COL25A1: variants seen among roughly 807,000 people sequenced by gnomAD.
COL25A1 encodes the protein collagen type XXV alpha 1 chain.
A neutral mutation model predicts 128.4 loss-of-function variants in COL25A1; 103 were observed. The observed-to-expected ratio is 0.80, with a 90% confidence interval of 0.68 to 0.94. The LOEUF is 0.94. Among genes scored for constraint, COL25A1 ranks in the 40% least tolerant of loss-of-function variants. The pLI, the probability that COL25A1 is intolerant of heterozygous loss-of-function variation, is 0.00. For synonymous variants in COL25A1, 279 were observed against 277.2 expected (o/e 1.01, Z -0.06); for missense variants, 745 against 840.0 (o/e 0.89, Z 1.40).
intron 31 of COL25A1, among the ~76,000 whole-genome samples, chr4:108,835,319 G>C (rs1181084212): frequency 6.6e-6 from 1 of 152,080 alleles, no homozygotes; most frequent in Admixed American, 6.5e-5. Context: ...GTTAGACCAA[G>C]GAGTATTTAA....
intron 5 of COL25A1, among the ~76,000 whole-genome samples, chr4:109,022,522 T>C (rs1757872453): frequency 1.3e-5 from 2 of 152,322 alleles, no homozygotes; most frequent in Non-Finnish European, 1.5e-5. Context: ...GGGTAAGAAG[T>C]GTGTTCTATA....
At chr4:109,148,931 C>G (rs1771207180) in intron 3 of COL25A1, among the ~76,000 whole-genome samples, 1 of 152,234 alleles carries the variant, frequency 6.6e-6, no homozygotes, top group East Asian at 1.9e-4. Flanking sequence ...TCTTTCTCCT[C>G]TCTCTATCTT....
intron 3 of COL25A1, among the ~76,000 whole-genome samples, chr4:109,177,027 A>G (rs1774167146): frequency 6.6e-6 from 1 of 152,246 alleles, no homozygotes; most frequent in Non-Finnish European, 1.5e-5. Flanking sequence ...AATTTGTTAC[A>G]GAAGCCCTAG....
rs1478964154 is a variant in COL25A1 at position 109,010,407 on chromosome 4, C to T, written c.421-32G>A. The T allele has an allele frequency of 3.3e-6, 5 of 1,501,892 alleles. No individual in the cohort carries two copies. The East Asian group carries it at 7.2e-5, about 21-fold the overall frequency. The allele number at this position is 1,501,892 out of a possible 1,614,324, so 93.0% of individuals were successfully genotyped here. A position where few individuals can be genotyped will look rare whatever the true frequency, so the allele number is the denominator to read the frequency against. Reference sequence around the variant, plus strand: ...TTAAAAAGAAAAAGAAAAACAATTACAAAATTGTATCCTAAGTGAATATTT... The same window carrying T: ...TTAAAAAGAAAAAGAAAAACAATTATAAAATTGTATCCTAAGTGAATATTT... On this transcript the variant is annotated intron_variant, in intron 5 of 37. Coordinates refer to ENST00000399132, the MANE Select transcript of COL25A1 (RefSeq NM_198721.4).
At chr4:109,050,314 A>T in intron 3 of COL25A1, 135 bp from the exon 4 acceptor site, 1 of 645,992 alleles carries the variant, frequency 1.5e-6, no homozygotes, top group Non-Finnish European at 2.6e-6. Context: ...GATATTTGTA[A>T]AGGTCAGTAT....
At chr4:108,888,991 T>C (rs1741137304) in intron 18 of COL25A1, among the ~76,000 whole-genome samples, 1 of 152,234 alleles carries the variant, frequency 6.6e-6, no homozygotes, top group Non-Finnish European at 1.5e-5. Context: ...GCTAAGTATA[T>C]GCAGACTTTT....
chr4:109,154,376 T>C (rs1000822538), intron 3 of COL25A1, among the ~76,000 whole-genome samples: 2 of 152,206 alleles, frequency 1.3e-5, no homozygotes, highest in Admixed American at 6.5e-5. Context: ...GGTCATTTCT[T>C]GAAGTCCTCT....
intron 6 of COL25A1, among the ~76,000 whole-genome samples, chr4:108,979,484 T>C (rs1752751822): frequency 6.6e-6 from 1 of 152,100 alleles, no homozygotes; most frequent in South Asian, 2.1e-4. Context: ...TATATTTGCT[T>C]TGAACTGGAA....
At chr4:108,876,525 A>G (rs1739478269) in intron 19 of COL25A1, among the ~76,000 whole-genome samples, 1 of 152,220 alleles carries the variant, frequency 6.6e-6, no homozygotes, top group African/African-American at 2.4e-5. Flanking sequence ...AATAATCTAA[A>G]CAATGTATTA....
chr4:109,215,477 C>A (rs1777912538), intron 3 of COL25A1, among the ~76,000 whole-genome samples: 1 of 152,122 alleles, frequency 6.6e-6, no homozygotes, highest in Non-Finnish European at 1.5e-5. Context: ...TACACTAAAA[C>A]TTTTCTCACC....
chr4:108,825,135 G>C, intron 34 of COL25A1, 61 bp downstream of exon 34: 1 of 1,319,938 alleles, frequency 7.6e-7, no homozygotes, highest in East Asian at 2.3e-5. Flanking sequence ...TTTTGTTATC[G>C]ATGATGGAGA....
chr4:109,226,980 T>C (rs1468260504), intron 3 of COL25A1, among the ~76,000 whole-genome samples: 1 of 152,172 alleles, frequency 6.6e-6, no homozygotes, highest in African/African-American at 2.4e-5. Context: ...CTGTGGTTGC[T>C]AATTGTGGGC....
intron 3 of COL25A1, among the ~76,000 whole-genome samples, chr4:109,257,260 C>G (rs577144967): frequency 1.3e-5 from 2 of 152,264 alleles, no homozygotes; most frequent in East Asian, 3.9e-4. Context: ...AATTTTCACC[C>G]TCAATCTGAA....
intron 3 of COL25A1, among the ~76,000 whole-genome samples, chr4:109,092,984 T>C (rs1765051475): frequency 6.6e-6 from 1 of 152,092 alleles, no homozygotes. Flanking sequence ...AAAAAAAAAT[T>C]TACCTCTGCC....
At chr4:108,967,625 T>C (rs908697637) in intron 8 of COL25A1, among the ~76,000 whole-genome samples, 1 of 152,222 alleles carries the variant, frequency 6.6e-6, no homozygotes, top group South Asian at 2.1e-4. Context: ...GATAATCATT[T>C]TACTCAACTG....
chr4:109,088,686 TAGTA>T lies in COL25A1; in HGVS notation c.368-38511_368-38508del, dbSNP rs201831461. The stretch of plus-strand genomic sequence containing the variant: ...AACGTTCCAGGCACTGAATTTATAG[TAGTA>T]AGTGAGACAGTTTCTCTGCTTTCAG... On this transcript the variant is annotated intron_variant, in intron 3 of 37. Transcript: ENST00000399132. Among the ~76,000 whole-genome samples, 758 of 152,260 alleles carry T rather than the reference TAGTA, an allele frequency of 5.0e-3. 6 individuals carry two copies. In the Middle Eastern group the frequency reaches 0.089, roughly 18 times the overall value.
At chr4:108,985,307 C>T (rs998987290) in intron 6 of COL25A1, among the ~76,000 whole-genome samples, 2 of 152,180 alleles carry the variant, frequency 1.3e-5, no homozygotes, top group African/African-American at 2.4e-5. Context: ...ATTCCCATTA[C>T]CTTGGATTCT....
chr4:109,141,352 T>C (rs534000545), intron 3 of COL25A1, among the ~76,000 whole-genome samples: 1 of 152,312 alleles, frequency 6.6e-6, no homozygotes, highest in African/African-American at 2.4e-5. Flanking sequence ...TTATTGAAGA[T>C]TTTCACATCG....
intron 20 of COL25A1, among the ~76,000 whole-genome samples, chr4:108,864,799 T>C (rs1466178708): frequency 6.6e-6 from 1 of 152,230 alleles, no homozygotes; most frequent in Non-Finnish European, 1.5e-5. Flanking sequence ...CAAAACACTT[T>C]ACATGTATTA....
Sources: gnomAD v4.1 joint callset for allele counts (sites outside exome capture counted in the v4.1 genomes callset) on GRCh38, gnomAD v4.1.1 for gene constraint, MANE v1.5 for transcripts, NCBI Gene and HGNC (gene_info 2026-07-23, HGNC 2026-07-21) for gene names.